KIF26B: variants seen among roughly 807,000 people sequenced by gnomAD.
KIF26B encodes the protein kinesin-like protein KIF26B.
In KIF26B, 63 loss-of-function variants were observed where a neutral mutation model predicts 151.2. The ratio of observed to expected loss-of-function variants is 0.42; its 90% CI spans 0.34 to 0.51. The LOEUF is 0.51. KIF26B is among the 20% of genes least tolerant of loss of function. KIF26B has a pLI of 0.07. For synonymous variants in KIF26B, 1,357 were observed against 1,262.1 expected, an observed-to-expected ratio of 1.08 and a Z score of -1.59; for missense variants, 2,813 against 2,913.6, an observed-to-expected ratio of 0.97 and a Z score of 0.79.
At chr1:245,545,222 C>T (rs1661718143) in intron 5 of KIF26B, among the ~76,000 whole-genome samples, 1 of 152,128 alleles carries the variant, frequency 6.6e-6, no homozygotes, top group South Asian at 2.1e-4. Context: ...TTGCCTCAGC[C>T]TCCCAAGTAG....
intron 2 of KIF26B, among the ~76,000 whole-genome samples, chr1:245,201,941 C>T (rs989670896): frequency 2.0e-5 from 3 of 152,098 alleles, no homozygotes; most frequent in African/African-American, 7.2e-5. Flanking sequence ...TTAAAGTTGC[C>T]CTTGCTTAGG....
chr1:245,607,624 G>T (rs2043470679), intron 6 of KIF26B, 27 bp from the exon 7 acceptor site: 1 of 1,581,110 alleles, frequency 6.3e-7, no homozygotes. Flanking sequence ...TCCATTCACG[G>T]CTCGTGTCTC....
chr1:245,305,871 G>A (rs188352601), intron 2 of KIF26B, among the ~76,000 whole-genome samples: 154 of 131,572 alleles, frequency 1.2e-3, no homozygotes, highest in African/African-American at 4.4e-3. Flanking sequence ...CCGGTAGGCA[G>A]AGCTTTAGTG....
rs928500846 is a variant in KIF26B, at chr1:245,709,073, C to G, written c.*6467C>G. On this transcript the variant is annotated 3_prime_UTR_variant, in exon 15 of 15. Transcript: ENST00000407071. ...TTGCTGTTAAAATGCTTCAATAAAA[C>G]TCATTTGTTAAAGTCAGAAATTCAA... is the stretch of plus-strand genomic sequence containing the variant. The G allele has an allele frequency of 6.6e-6, 1 of 152,218 alleles. No individual in the cohort carries two copies. The highest frequency in any genetic ancestry group is 1.5e-5 in the Non-Finnish European group (1 of 68,042). 9.4% of individuals were successfully genotyped at this position (152,218 alleles called of 1,614,324 possible).
chr1:245,286,106 A>G (rs1333654749), intron 2 of KIF26B, among the ~76,000 whole-genome samples: 3 of 152,216 alleles, frequency 2.0e-5, no homozygotes, highest in East Asian at 3.9e-4. Flanking sequence ...TTGGCAGGGT[A>G]GGGCTCCTGA....
intron 2 of KIF26B, among the ~76,000 whole-genome samples, chr1:245,201,201 C>T (rs1050009022): frequency 2.6e-5 from 4 of 152,176 alleles, no homozygotes; most frequent in East Asian, 1.9e-4. Flanking sequence ...CACACTGCCT[C>T]GCCTCCTGAT....
intron 4 of KIF26B, among the ~76,000 whole-genome samples, chr1:245,491,338 C>T (rs928011182): frequency 1.3e-5 from 2 of 152,122 alleles, no homozygotes; most frequent in African/African-American, 4.8e-5. Flanking sequence ...TTCCATGTAG[C>T]CCACCCTACT....
intron 2 of KIF26B, among the ~76,000 whole-genome samples, chr1:245,347,151 C>G (rs1409319098): frequency 6.6e-6 from 1 of 152,168 alleles, no homozygotes. Context: ...CGAGCACCCT[C>G]TGGCAGAGCG....
chr1:245,608,719 T>C (rs567107619), intron 7 of KIF26B, among the ~76,000 whole-genome samples: 4 of 152,274 alleles, frequency 2.6e-5, no homozygotes, highest in African/African-American at 9.6e-5. Context: ...TCAAGGTACA[T>C]GGTGATTTAA....
At chr1:245,544,091 C>T (rs1661685174) in intron 5 of KIF26B, among the ~76,000 whole-genome samples, 1 of 152,182 alleles carries the variant, frequency 6.6e-6, no homozygotes, top group Non-Finnish European at 1.5e-5. Context: ...AGCGAAGGCC[C>T]ATCCTCCCAG....
At chr1:245,582,074 C>G (rs2043180634) in intron 5 of KIF26B, among the ~76,000 whole-genome samples, 1 of 152,220 alleles carries the variant, frequency 6.6e-6, no homozygotes, top group Non-Finnish European at 1.5e-5. Flanking sequence ...ATCCAGGCAA[C>G]TGCTGAGACT....
At chr1:245,264,321 C>T (rs761860511) in intron 2 of KIF26B, among the ~76,000 whole-genome samples, 15 of 152,238 alleles carry the variant, frequency 9.9e-5, no homozygotes, top group Admixed American at 4.6e-4. Context: ...TGACAATGTA[C>T]GTAAAACACT....
chr1:245,586,090 A>G (rs1354165086), intron 5 of KIF26B, among the ~76,000 whole-genome samples: 2 of 151,894 alleles, frequency 1.3e-5, no homozygotes, highest in Non-Finnish European at 2.9e-5. Context: ...TCAAACTTCT[A>G]GGTTCAAGTG....
chr1:245,535,535 G>A (rs760843056), intron 4 of KIF26B, among the ~76,000 whole-genome samples: 2 of 152,096 alleles, frequency 1.3e-5, no homozygotes, highest in Non-Finnish European at 2.9e-5. Flanking sequence ...CCCACTGCAC[G>A]CATCCCTCTC....
At chr1:245,653,146 A>AG in intron 10 of KIF26B, among the ~76,000 whole-genome samples, 1 of 152,276 alleles carries the variant, frequency 6.6e-6, no homozygotes, top group African/African-American at 2.4e-5. Context: ...TGTGGCCTGC[A>AG]GGGGAGGGAC....
chr1:245,678,203 C>T lies in KIF26B; in HGVS notation c.2259-6030C>T, dbSNP rs184385951. 5.9e-5 allele frequency among the ~76,000 whole-genome samples: 9 copies of T among 152,078 alleles called. No homozygotes were observed. The East Asian group carries it at 1.7e-3, about 29-fold the overall frequency. On this transcript the variant is annotated intron_variant, in intron 10 of 14. Transcript: ENST00000407071. ...GTGGTTCTGTCCCCCTCTGGTGTTG[C>T]TTCCTTCTCCTCTTCACTCTGCAGC...
intron 2 of KIF26B, among the ~76,000 whole-genome samples, chr1:245,192,760 T>C (rs1204103604): frequency 1.3e-5 from 2 of 152,252 alleles, no homozygotes; most frequent in Non-Finnish European, 2.9e-5. Flanking sequence ...ACTTCTTCTA[T>C]GTATTTATTG....
At chr1:245,445,006 C>A (rs1370811329) in intron 4 of KIF26B, among the ~76,000 whole-genome samples, 5 of 152,196 alleles carry the variant, frequency 3.3e-5, no homozygotes, top group African/African-American at 1.2e-4. Context: ...GGGGATCCCT[C>A]GCATACATCC....
chr1:245,296,902 CTT>C lies in KIF26B; in HGVS notation c.466-69928_466-69927del, dbSNP rs541782330. Among the ~76,000 whole-genome samples the C allele has an allele frequency of 3.3e-5, 5 of 152,310 alleles. No homozygotes were observed. The East Asian group carries it at 9.6e-4, about 29-fold the overall frequency. On this transcript the variant is annotated intron_variant, in intron 2 of 14. Coordinates refer to ENST00000407071, the MANE Select transcript of KIF26B (RefSeq NM_018012.4). ...TTGAATCATTTCATTTATGTCCCGA[CTT>C]TTTAGCTAGCACGCTTAAGAGCAAC...
Sources: gnomAD v4.1 joint callset for allele counts (sites outside exome capture counted in the v4.1 genomes callset) on GRCh38, gnomAD v4.1.1 for gene constraint, MANE v1.5 for transcripts, NCBI Gene and HGNC (gene_info 2026-07-23, HGNC 2026-07-21) for gene names.